HERC6: variants seen among roughly 807,000 people sequenced by gnomAD.
The protein encoded by HERC6 is HECT and RLD domain containing E3 ubiquitin protein ligase family member 6.
Under a neutral mutation model 114.5 loss-of-function variants are expected in HERC6, and 101 were observed. The observed-to-expected ratio is 0.88, with a 90% CI of 0.75 to 1.04. The LOEUF (loss-of-function observed/expected upper bound fraction) is 1.04. HERC6 is among the 50% of genes least tolerant of loss of function. HERC6 has a pLI of 0.00. For missense variants in HERC6, 1,133 were observed against 1,230.9 expected (o/e 0.92, Z 1.19); for synonymous variants, 408 against 436.2 (o/e 0.94, Z 0.81).
chr4:88,419,551 A>C (rs1736830223), intron 13 of HERC6, among the ~76,000 whole-genome samples: 1 of 152,178 alleles, frequency 6.6e-6, no homozygotes, highest in Non-Finnish European at 1.5e-5. Flanking sequence ...CACTTCTTAA[A>C]CTTTAATATG....
chr4:88,416,841 A>G (rs1234456559), intron 12 of HERC6, among the ~76,000 whole-genome samples: 1 of 152,080 alleles, frequency 6.6e-6, no homozygotes, highest in East Asian at 1.9e-4. Flanking sequence ...TTTTAATTAC[A>G]TTTGCTTGAT....
intron 10 of HERC6, among the ~76,000 whole-genome samples, chr4:88,406,332 G>A (rs1390183059): frequency 6.6e-6 from 1 of 152,178 alleles, no homozygotes; most frequent in Non-Finnish European, 1.5e-5. Context: ...TCAAAATATG[G>A]TGATACACAT....
In HERC6 at chr4:88,387,656, T is replaced by C. The variant is rs565820718; in HGVS notation, c.436+2081T>C. Among the ~76,000 whole-genome samples, 10 of 152,348 alleles carry C rather than the reference T, an allele frequency of 6.6e-5. 1 individual carries two copies. The South Asian group carries it at 1.9e-3, about 28-fold the overall frequency. The stretch of plus-strand genomic sequence containing the variant: ...CCTGTCATTTCTAGCTGTTTGATCA[T>C]GGGCAAGTTATTTAACTTGGCTGAG... On this transcript the variant is annotated intron_variant, in intron 3 of 22. Coordinates refer to ENST00000264346, the MANE Select transcript of HERC6 (RefSeq NM_017912.4).
At chr4:88,427,842 G>A (rs1273472487) in intron 15 of HERC6, among the ~76,000 whole-genome samples, 1 of 152,230 alleles carries the variant, frequency 6.6e-6, no homozygotes, top group African/African-American at 2.4e-5. Flanking sequence ...AGCCCTTGAG[G>A]AGTGCTGAAG....
At chr4:88,406,343 C>A (rs1334468515) in intron 10 of HERC6, among the ~76,000 whole-genome samples, 1 of 152,226 alleles carries the variant, frequency 6.6e-6, no homozygotes, top group Non-Finnish European at 1.5e-5. Flanking sequence ...TGATACACAT[C>A]TTGTACCCAC....
At chr4:88,391,767 G>A (rs182581215) in intron 4 of HERC6, among the ~76,000 whole-genome samples, 7 of 152,124 alleles carry the variant, frequency 4.6e-5, no homozygotes, top group South Asian at 2.1e-4. Context: ...CACAAAACTC[G>A]TCAAGATGTA....
intron 19 of HERC6, among the ~76,000 whole-genome samples, chr4:88,437,224 T>G (rs759820235): frequency 1.3e-5 from 2 of 152,082 alleles, no homozygotes; most frequent in Non-Finnish European, 2.9e-5. Flanking sequence ...GCCTGGCTAA[T>G]TTTTGTATTC....
At position 88,423,925 on chromosome 4, in the gene HERC6, A is replaced by T. The variant is rs1428201840; in HGVS notation, c.1779A>T (p.Leu593Phe). ...TFNINELSNL[L>F]NFYIDRGRQL... The stretch of plus-strand genomic sequence containing the variant: ...ACATAAATGAACTCTCCAACTTATT[A>T]AACTTTTATATAGATAGAGGAAGAC... The change falls in exon 14 of 23, where the codon TTA becomes TTT. Residue 593 changes from leucine to phenylalanine, a missense_variant. Leu to Phe is a conservative substitution (Grantham distance 22). Coordinates refer to ENST00000264346, the MANE Select transcript of HERC6 (RefSeq NM_017912.4). 6.4e-7 allele frequency: 1 copy of T among 1,573,190 alleles called. No homozygotes were observed. The highest frequency in any genetic ancestry group is 1.2e-5 in the South Asian group (1 of 83,712).
rs1476166921 is a variant in HERC6 at position 88,428,754 on chromosome 4, C to T, written c.2106+4C>T. On this transcript the variant is annotated splice_donor_region_variant and intron_variant, in intron 16 of 22. Transcript: ENST00000264346. ...TGACTTCTGCAAAGTATTAGTGGTA[C>T]AGTAAAAAGTCTCATTGAACATTTT... The T allele has an allele frequency of 3.9e-6, 6 of 1,520,778 alleles. No homozygotes were observed. The highest frequency in any genetic ancestry group is 1.3e-5 in the South Asian group (1 of 74,912). 94.2% of individuals were successfully genotyped at this position (1,520,778 alleles called of 1,614,324 possible). A position where few individuals can be genotyped will look rare whatever the true frequency, so the allele number is the denominator to read the frequency against.
intron 3 of HERC6, among the ~76,000 whole-genome samples, chr4:88,389,047 G>C (rs558994985): frequency 6.6e-6 from 1 of 152,130 alleles, no homozygotes; most frequent in African/African-American, 2.4e-5. Flanking sequence ...TTTATGAGGC[G>C]GTCAGGGAAG....
chr4:88,397,089 C>A, intron 7 of HERC6, 102 bp downstream of exon 7: 2 of 926,328 alleles, frequency 2.2e-6, no homozygotes, highest in South Asian at 3.5e-5. Context: ...TGTAGTTCCC[C>A]TAGTACTTTT....
intron 19 of HERC6, 148 bp downstream of exon 19, chr4:88,437,119 C>T (rs1019054026): frequency 2.0e-5 from 11 of 542,286 alleles, no homozygotes; most frequent in African/African-American, 9.9e-5. Flanking sequence ...TACAATGGCG[C>T]GATCTCGGTT....
At chr4:88,424,437 C>G (rs368101502) in intron 14 of HERC6, among the ~76,000 whole-genome samples, 158 bp from the exon 15 acceptor site, 1 of 152,064 alleles carries the variant, frequency 6.6e-6, no homozygotes, top group African/African-American at 2.4e-5. Flanking sequence ...CAAGTTTATG[C>G]CCCTGCACTC....
chr4:88,415,494 T>C (rs1238781859), intron 12 of HERC6, among the ~76,000 whole-genome samples: 8 of 152,206 alleles, frequency 5.3e-5, no homozygotes, highest in Admixed American at 5.2e-4. Context: ...GTAGTCTGTA[T>C]AAATTTCACC....
At position 88,431,223 on chromosome 4, in the gene HERC6, G is replaced by A. The variant is rs371969344; in HGVS notation, c.2168G>A (p.Cys723Tyr). The change falls in exon 17 of 23, where the codon TGT becomes TAT. Residue 723 changes from cysteine (C) to tyrosine (Y), a missense_variant. By Grantham distance (194) the Cys-to-Tyr change is radical. Coordinates refer to ENST00000264346, the MANE Select transcript of HERC6 (RefSeq NM_017912.4). ...GGGGTTAGTTCAGAGTTCTTCCACTGTATGTTTGAAGAGATGACCAAGCCA... is the reference window on the plus strand; with the variant it reads ...GGGGTTAGTTCAGAGTTCTTCCACTATATGTTTGAAGAGATGACCAAGCCA... ...SGGVSSEFFHCMFEEMTKPEY... is the reference protein window; with the variant it reads ...SGGVSSEFFHYMFEEMTKPEY... 5 of 1,613,120 alleles carry A rather than the reference G, an allele frequency of 3.1e-6. No homozygotes were observed. Among genetic ancestry groups the A allele is most frequent in the Non-Finnish European group, 4.2e-6 (5 of 1,179,440 alleles).
chr4:88,413,637 G>C (rs749303649), intron 12 of HERC6, among the ~76,000 whole-genome samples: 27 of 152,130 alleles, frequency 1.8e-4, no homozygotes, highest in Non-Finnish European at 2.5e-4. Context: ...ACCAGATGAT[G>C]AAAAACAAAT....
intron 8 of HERC6, among the ~76,000 whole-genome samples, chr4:88,402,998 G>A (rs1457228492): frequency 6.6e-6 from 1 of 152,216 alleles, no homozygotes; most frequent in African/African-American, 2.4e-5. Context: ...CCAAAATGAT[G>A]CAGGATTTCC....
intron 19 of HERC6, 86 bp downstream of exon 19, chr4:88,437,057 TC>T (rs1738829252): frequency 1.1e-5 from 11 of 1,020,598 alleles, no homozygotes; most frequent in Admixed American, 2.9e-5. Flanking sequence ...AAATTTGGGA[TC>T]CCTTTTTTTT....
chr4:88,386,640 G>A (rs1734602354), intron 3 of HERC6, among the ~76,000 whole-genome samples: 1 of 152,214 alleles, frequency 6.6e-6, no homozygotes, highest in Non-Finnish European at 1.5e-5. Flanking sequence ...ATAATAAATT[G>A]TGGGAAAGTG....
Sources: allele counts gnomAD v4.1 joint callset (sites outside exome capture counted in the v4.1 genomes callset), GRCh38; gene constraint gnomAD v4.1.1; transcripts MANE v1.5; gene names NCBI Gene and HGNC (gene_info 2026-07-23, HGNC 2026-07-21).